Variants in CHP2 observed in about 807,000 individuals in gnomAD.
CHP2 encodes the protein calcineurin B homologous protein 2.
In CHP2, 31 loss-of-function variants were observed where a neutral mutation model predicts 24.7. The observed-to-expected ratio is 1.26, with a 90% CI of 0.94 to 1.69. The LOEUF (loss-of-function observed/expected upper bound fraction) is 1.69. Ranked by LOEUF, CHP2 falls within the 40% of genes most tolerant of loss-of-function variation. The probability of loss-of-function intolerance (pLI) is 0.00; values close to 1 mark genes in which losing one functional copy is unlikely to be tolerated. For synonymous variants in CHP2, 97 were observed against 99.1 expected, an observed-to-expected ratio of 0.98 and a Z score of 0.13; for missense variants, 319 against 261.5, an observed-to-expected ratio of 1.22 and a Z score of -1.52.
chr16:23,755,853 G>T lies in CHP2; in HGVS notation c.147G>T (p.Met49Ile). 6.2e-7 allele frequency: 1 copy of T among 1,614,178 alleles called. No homozygotes were observed. Among genetic ancestry groups the T allele is most frequent in the Non-Finnish European group, 8.5e-7 (1 of 1,180,040 alleles). ...TTGAAATTTGGCTTTGCAGCCGCAT[G>T]GATCTCCAGCAGATAGGGGCGCTCG... The part of the protein sequence containing the change: ...DRNKKGYLSR[M>I]DLQQIGALAV... The change falls in exon 3 of 7, where the codon ATG becomes ATT. Residue 49 changes from methionine to isoleucine, a missense_variant. Coordinates refer to ENST00000300113, the MANE Select transcript of CHP2 (RefSeq NM_022097.4).
chr16:23,756,268 C>A, intron 4 of CHP2, 75 bp downstream of exon 4: 1 of 1,595,818 alleles, frequency 6.3e-7, no homozygotes, highest in Non-Finnish European at 8.6e-7. Context: ...GGATCTCCCA[C>A]TCCCTTCCTG....
Position 23,756,207 on chromosome 16 carries a change from G to A in CHP2, c.352+14G>A. 1.2e-6 allele frequency: 2 copies of A among 1,613,482 alleles called. No individual in the cohort carries two copies. Among genetic ancestry groups the A allele is most frequent in the Non-Finnish European group, 1.7e-6 (2 of 1,179,992 alleles). The stretch of plus-strand genomic sequence containing the variant: ...ACAAACTTCACTGTGAGTTTGTGAG[G>A]ACCTGCACAAGTGAGAATGCAGATG... On this transcript the variant is annotated intron_variant, in intron 4 of 6. Coordinates refer to ENST00000300113, the MANE Select transcript of CHP2 (RefSeq NM_022097.4).
At chr16:23,757,377 A>G in intron 6 of CHP2, 54 bp downstream of exon 6, 1 of 1,594,722 alleles carries the variant, frequency 6.3e-7, no homozygotes, top group Non-Finnish European at 8.6e-7. Context: ...TGGGGCAGAC[A>G]GACTTGGGAA....
At position 23,756,006 on chromosome 16, in the gene CHP2, G is replaced by A. The variant is rs1443600943; in HGVS notation, c.222-57G>A. The A allele has an allele frequency of 5.6e-6, 9 of 1,613,774 alleles. No homozygotes were observed. The Admixed American group carries it at 1.0e-4, about 18-fold the overall frequency. On this transcript the variant is annotated intron_variant, in intron 3 of 6. Transcript: ENST00000300113. ...GGTGGGAGGGGAGGTTAGAGACGGAGGCAAAGTGATGGCCAAGGTGACCAC... is the reference window on the plus strand; with the variant it reads ...GGTGGGAGGGGAGGTTAGAGACGGAAGCAAAGTGATGGCCAAGGTGACCAC...
rs1368124343 is a variant in CHP2 at position 23,755,129 on chromosome 16, G to A, written c.67+13G>A. 1.3e-6 allele frequency: 2 copies of A among 1,593,138 alleles called. No homozygotes were observed. The highest frequency in any genetic ancestry group is 8.5e-7 in the Non-Finnish European group (1 of 1,171,058). The stretch of plus-strand genomic sequence containing the variant: ...CGAGAGACCGGCTGTGAGTGCGCCC[G>A]CGTCGGCGGCTGCGGAGGGGACGGG... On this transcript the variant is annotated intron_variant, in intron 1 of 6. Coordinates refer to ENST00000300113, the MANE Select transcript of CHP2 (RefSeq NM_022097.4).
In CHP2 at chr16:23,757,266, G is replaced by A. The variant is rs758933541; in HGVS notation, c.480G>A (p.Thr160=). 2 of 1,613,874 alleles carry A rather than the reference G, an allele frequency of 1.2e-6. No individual in the cohort carries two copies. The highest frequency in any genetic ancestry group is 1.3e-5 in the African/African-American group (1 of 74,874). ...AGCTGGAGAACATCGCTGACCGCAC[G>A]GTGCAGGAGGCTGATGAAGATGGGG... ...EEQLENIADR[T]VQEADEDGDG... Residue 160 remains threonine (T), a synonymous_variant, in exon 6 of 7, where the codon ACG becomes ACA. Coordinates refer to ENST00000300113, the MANE Select transcript of CHP2 (RefSeq NM_022097.4).
At chr16:23,757,159 T>A in intron 5 of CHP2, 42 bp from the exon 6 acceptor site, 1 of 1,613,268 alleles carries the variant, frequency 6.2e-7, no homozygotes, top group Non-Finnish European at 8.5e-7. Context: ...GTTGCAGCCT[T>A]CGTGCCCCCT....
chr16:23,756,148 C>T lies in CHP2; in HGVS notation c.307C>T (p.Pro103Ser), dbSNP rs1321745570. Residue 103 changes from proline (P) to serine (S), a missense_variant, in exon 4 of 7, where the codon CCC becomes TCC. Pro to Ser is a moderately conservative substitution (Grantham distance 74). Transcript: ENST00000300113. ...VEDEDTETQDPKKPEPLNSRR... is the reference protein window; with the variant it reads ...VEDEDTETQDSKKPEPLNSRR... ...AGATGAGGACACAGAAACCCAAGAC[C>T]CCAAGAAACCTGAACCTCTCAACAG... 1.2e-6 allele frequency: 2 copies of T among 1,614,092 alleles called. No homozygotes were observed. Among genetic ancestry groups the T allele is most frequent in the Non-Finnish European group, 1.7e-6 (2 of 1,180,026 alleles).
In CHP2 at chr16:23,756,453, G is replaced by A. The variant is rs758446254; in HGVS notation, c.414+4G>A. The A allele has an allele frequency of 3.7e-6, 6 of 1,612,802 alleles. No individual in the cohort carries two copies. In the African/African-American group the frequency reaches 8.0e-5, roughly 22 times the overall value. On this transcript the variant is annotated splice_donor_region_variant and intron_variant, in intron 5 of 6. Coordinates refer to ENST00000300113, the MANE Select transcript of CHP2 (RefSeq NM_022097.4). ...CTCCAGGCATGAGATGCTGCAGGTT[G>A]GCAGAAAGCGAGAGCAAGAGATGTG... is the stretch of plus-strand genomic sequence containing the variant.
chr16:23,755,734 G>A lies in CHP2; in HGVS notation c.140+1G>A. ...ACAGGAATAAGAAGGGCTACCTGAG[G>A]TGAGGGGGAGCCGGCCTCATAACTT... On this transcript the variant is annotated splice_donor_variant, in intron 2 of 6. Transcript: ENST00000300113. LOFTEE classifies it high-confidence loss of function. The A allele has an allele frequency of 6.2e-7, 1 of 1,614,194 alleles. No homozygotes were observed. Among genetic ancestry groups the A allele is most frequent in the Non-Finnish European group, 8.5e-7 (1 of 1,180,014 alleles).
intron 1 of CHP2, 75 bp from the exon 2 acceptor site, chr16:23,755,586 C>G: frequency 7.7e-7 from 1 of 1,305,972 alleles, no homozygotes; most frequent in Non-Finnish European, 1.1e-6. Context: ...GGCCCATCTT[C>G]CTGGCCTGTT....
intron 4 of CHP2, 37 bp from the exon 5 acceptor site, chr16:23,756,351 G>C (rs372101055): frequency 3.7e-6 from 6 of 1,602,784 alleles, no homozygotes; most frequent in African/African-American, 2.7e-5. Flanking sequence ...AGCCAGGGAA[G>C]ACCTACCTTC....
In CHP2 at chr16:23,755,053, G is replaced by A. The variant is rs755065129; in HGVS notation, c.4G>A (p.Gly2Arg). The change falls in exon 1 of 7, where the codon GGG (glycine) becomes AGG (arginine). Residue 2 changes from glycine to arginine, a missense_variant. Physicochemically the swap from Gly to Arg is moderately radical, Grantham distance 125. Transcript: ENST00000300113. M[G>R]SRSSHAAVIP... ...CCCTTCCGCCTCCAGCTCGGCCATG[G>A]GGTCGCGCAGCTCCCACGCCGCGGT... is the stretch of plus-strand genomic sequence containing the variant. 5 of 1,594,366 alleles carry A rather than the reference G, an allele frequency of 3.1e-6. No individual in the cohort carries two copies. In the South Asian group the frequency reaches 4.4e-5, roughly 14 times the overall value.
intron 1 of CHP2, 165 bp downstream of exon 1, chr16:23,755,281 G>A: frequency 1.6e-6 from 1 of 609,864 alleles, no homozygotes; most frequent in Admixed American, 3.0e-5. Context: ...GCTGGGTTAG[G>A]GGCGGGTTAA....
Position 23,756,421 on chromosome 16 carries a change from GGAA to G in CHP2, c.389_391del (p.Lys130del), listed in dbSNP as rs1597177740. The G allele has an allele frequency of 1.2e-6, 2 of 1,613,956 alleles. No homozygotes were observed. The highest frequency in any genetic ancestry group is 4.5e-5 in the East Asian group (2 of 44,882). ...CAGCTCTATGACCTGGATCGCGATG[GGAA>G]GATCTCCAGGCATGAGATGCTGCAG... is the stretch of plus-strand genomic sequence containing the variant. On this transcript the variant is annotated inframe_deletion, in exon 5 of 7. Coordinates refer to ENST00000300113, the MANE Select transcript of CHP2 (RefSeq NM_022097.4).
In CHP2 at chr16:23,757,646, C is replaced by CCATGGACG; in HGVS notation, c.*74_*81dup. ...TCTCCTTGGAATTCATCCAAAGCCCCCATGGACGCATGGACGCAGGGCGAC... is the reference window on the plus strand; with the variant it reads ...TCTCCTTGGAATTCATCCAAAGCCCCCATGGACGCATGGACGCATGGACGCAGGGCGAC... On this transcript the variant is annotated 3_prime_UTR_variant, in exon 7 of 7. Coordinates refer to ENST00000300113, the MANE Select transcript of CHP2 (RefSeq NM_022097.4). 7.1e-7 allele frequency: 1 copy of CCATGGACG among 1,406,984 alleles called. No homozygotes were observed. The highest frequency in any genetic ancestry group is 1.0e-6 in the Non-Finnish European group (1 of 990,896). 87.2% of individuals were successfully genotyped at this position (1,406,984 alleles called of 1,614,324 possible).
chr16:23,755,304 A>C, intron 1 of CHP2, 188 bp downstream of exon 1: 1 of 596,370 alleles, frequency 1.7e-6, no homozygotes. Flanking sequence ...TAGGGGTCCC[A>C]GCCTCCAAGT....
rs746059993 is a variant in CHP2, at chr16:23,755,694, G to A, written c.101G>A (p.Arg34Gln). 1 of 1,614,126 alleles carries A rather than the reference G, an allele frequency of 6.2e-7. No homozygotes were observed. The highest frequency in any genetic ancestry group is 1.1e-5 in the South Asian group (1 of 91,082). Residue 34 changes from arginine to glutamine, a missense_variant, in exon 2 of 7, where the codon CGG becomes CAG. By Grantham distance (43) the Arg-to-Gln change is conservative. Transcript: ENST00000300113. The stretch of plus-strand genomic sequence containing the variant: ...GCCAGCCTGCTCCGCCTGCACCACC[G>A]GTTCCGGGCACTGGACAGGAATAAG... ...SQASLLRLHHRFRALDRNKKG... is the reference protein window; with the variant it reads ...SQASLLRLHHQFRALDRNKKG...
In CHP2 at chr16:23,755,075, C is replaced by T; in HGVS notation, c.26C>T (p.Ala9Val). The change falls in exon 1 of 7, where the codon GCG becomes GTG. Residue 9 changes from alanine to valine, a missense_variant. Ala to Val is a moderately conservative substitution (Grantham distance 64, BLOSUM62 0). Coordinates refer to ENST00000300113, the MANE Select transcript of CHP2 (RefSeq NM_022097.4). MGSRSSHAAVIPDGDSIRR... is the reference protein window; with the variant it reads MGSRSSHAVVIPDGDSIRR... ...ATGGGGTCGCGCAGCTCCCACGCCGCGGTCATTCCCGACGGGGACAGTATT... is the reference window on the plus strand; with the variant it reads ...ATGGGGTCGCGCAGCTCCCACGCCGTGGTCATTCCCGACGGGGACAGTATT... 1.3e-6 allele frequency: 2 copies of T among 1,599,544 alleles called. No individual in the cohort carries two copies. The highest frequency in any genetic ancestry group is 2.2e-5 in the South Asian group (2 of 90,324).
Sources: allele counts gnomAD v4.1 joint callset, GRCh38; gene constraint gnomAD v4.1.1; transcripts MANE v1.5; gene names NCBI Gene and HGNC (gene_info 2026-07-23, HGNC 2026-07-21).